Variants in XRCC4 observed in about 807,000 individuals in gnomAD.
The protein encoded by XRCC4 is X-ray repair cross complementing 4.
In XRCC4, 28 loss-of-function variants were observed where a neutral mutation model predicts 39.1. That is an observed-to-expected ratio of 0.72 (90% CI 0.53 to 0.98). The LOEUF is 0.98. Ranked by LOEUF, XRCC4 falls within the 50% of genes least tolerant of loss-of-function variation. The probability of loss-of-function intolerance (pLI) is 0.00; values close to 1 mark genes in which losing one functional copy is unlikely to be tolerated. For missense variants in XRCC4, 350 were observed against 376.4 expected (o/e 0.93, Z 0.58); for synonymous variants, 123 against 126.4 (o/e 0.97, Z 0.18).
At chr5:83,363,163 A>C in the XRCC4 span, among the ~76,000 whole-genome samples, 7 of 152,150 alleles carry the variant, frequency 4.6e-5, no homozygotes, top group African/African-American at 2.4e-5. Flanking sequence ...GGCCATGCCC[A>C]AGGAAAATTT....
rs144733569 is a variant in XRCC4, at chr5:83,227,591, G to C, written c.745+22670G>C. The stretch of plus-strand genomic sequence containing the variant: ...TCAAGATCGTTATCTAAAGGTAGTT[G>C]TTAGCTTGTTCTCCGGTTGGTATTA... On this transcript the variant is annotated intron_variant, in intron 6 of 7. Transcript: ENST00000396027. 2.4e-3 allele frequency among the ~76,000 whole-genome samples: 363 copies of C among 152,086 alleles called. 2 individuals carry two copies. Among genetic ancestry groups the C allele is most frequent in the African/African-American group, 5.0e-3 (206 of 41,522 alleles).
chr5:83,125,783 A>G (rs1747229757), intron 3 of XRCC4, among the ~76,000 whole-genome samples: 1 of 152,110 alleles, frequency 6.6e-6, no homozygotes, highest in Non-Finnish European at 1.5e-5. Context: ...AGGAGTTCAC[A>G]ACCAGTCTGA....
intron 6 of XRCC4, among the ~76,000 whole-genome samples, chr5:83,241,231 A>C (rs1017090980): frequency 6.6e-6 from 1 of 150,588 alleles, no homozygotes; most frequent in Admixed American, 6.6e-5. Context: ...CAACAAAGTA[A>C]GACTCTGTCA....
chr5:83,277,832 C>T (rs1262879635), intron 7 of XRCC4, among the ~76,000 whole-genome samples: 2 of 152,084 alleles, frequency 1.3e-5, no homozygotes, highest in Non-Finnish European at 2.9e-5. Context: ...AGTACAGAAA[C>T]TTTAGGATAA....
At chr5:83,313,624 C>G (rs1755782114) in intron 7 of XRCC4, among the ~76,000 whole-genome samples, 1 of 152,158 alleles carries the variant, frequency 6.6e-6, no homozygotes, top group African/African-American at 2.4e-5. Flanking sequence ...TCTGCTCCAG[C>G]CACGCCAATC....
intron 3 of XRCC4, among the ~76,000 whole-genome samples, chr5:83,125,615 G>A (rs948731737): frequency 4.2e-4 from 64 of 152,206 alleles, no homozygotes; most frequent in Non-Finnish European, 8.1e-4. Context: ...TATTTTCTAT[G>A]CTGCCTCATG....
intron 7 of XRCC4, among the ~76,000 whole-genome samples, chr5:83,325,006 A>T (rs1369212804): frequency 6.6e-6 from 1 of 152,088 alleles, no homozygotes; most frequent in Non-Finnish European, 1.5e-5. Context: ...GATTTTTTTA[A>T]AGTTCCTTCC....
chr5:83,363,534 C>T, the XRCC4 span, among the ~76,000 whole-genome samples: 280 of 152,182 alleles, frequency 1.8e-3, 1 homozygote, highest in Admixed American at 5.6e-3. Context: ...TGTAATCCGC[C>T]GATGCTATTC....
At chr5:83,080,380 G>A (rs765302283) in intron 1 of XRCC4, among the ~76,000 whole-genome samples, 28 of 152,086 alleles carry the variant, frequency 1.8e-4, no homozygotes, top group Non-Finnish European at 3.2e-4. Context: ...ACAAAAATTA[G>A]CCAGGCGTGG....
intron 6 of XRCC4, among the ~76,000 whole-genome samples, chr5:83,256,432 TTTTAA>T (rs1222813082): frequency 6.6e-6 from 1 of 152,206 alleles, no homozygotes; most frequent in Non-Finnish European, 1.5e-5. Context: ...TTGCCTTGTA[TTTTAA>T]TTTAAACTTA....
At chr5:83,116,790 T>G (rs530576565) in intron 3 of XRCC4, among the ~76,000 whole-genome samples, 2 of 151,964 alleles carry the variant, frequency 1.3e-5, no homozygotes, top group African/African-American at 4.8e-5. Context: ...CCCAGCTGAT[T>G]TTTGTATTTT....
intron 1 of XRCC4, among the ~76,000 whole-genome samples, chr5:83,090,345 G>GC (rs899468769): frequency 8.4e-5 from 4 of 47,496 alleles, no homozygotes; most frequent in South Asian, 8.6e-4. Flanking sequence ...TGGTGGGGTT[G>GC]GGGGGGGCTC....
chr5:83,191,338 T>C (rs1195738124), intron 3 of XRCC4, among the ~76,000 whole-genome samples: 5 of 152,168 alleles, frequency 3.3e-5, no homozygotes, highest in Admixed American at 6.5e-5. Context: ...GGGAGGTGAT[T>C]GAATTACAGG....
At chr5:83,186,659 A>G (rs1186181652) in intron 3 of XRCC4, among the ~76,000 whole-genome samples, 1 of 152,182 alleles carries the variant, frequency 6.6e-6, no homozygotes, top group Non-Finnish European at 1.5e-5. Context: ...GAGGAGGGCT[A>G]CTATTCAGCT....
chr5:83,170,482 G>GT (rs1315406257), intron 3 of XRCC4, among the ~76,000 whole-genome samples: 1 of 152,160 alleles, frequency 6.6e-6, no homozygotes, highest in Admixed American at 6.5e-5. Context: ...TGAAATCAAA[G>GT]TATCAGTTGG....
intron 3 of XRCC4, among the ~76,000 whole-genome samples, chr5:83,147,703 G>A (rs1748522992): frequency 6.6e-6 from 1 of 151,528 alleles, no homozygotes; most frequent in Non-Finnish European, 1.5e-5. Flanking sequence ...ATTTTAAAGT[G>A]TTGTCACCAC....
intron 7 of XRCC4, among the ~76,000 whole-genome samples, chr5:83,291,484 G>A (rs1754918462): frequency 6.6e-6 from 1 of 151,762 alleles, no homozygotes; most frequent in Admixed American, 6.6e-5. Context: ...GAAAAAAATA[G>A]TAGCAATGCT....
At chr5:83,365,561 C>T in the XRCC4 span, among the ~76,000 whole-genome samples, 3 of 152,102 alleles carry the variant, frequency 2.0e-5, no homozygotes, top group Non-Finnish European at 4.4e-5. Flanking sequence ...GTTATACAGC[C>T]CTTCGTGAAA....
At chr5:83,372,778 T>C in the XRCC4 span, among the ~76,000 whole-genome samples, 1 of 152,220 alleles carries the variant, frequency 6.6e-6, no homozygotes, top group African/African-American at 2.4e-5. Context: ...CTATTGCTAT[T>C]GTTACTTGCT....
Sources: gnomAD v4.1 joint callset for allele counts (sites outside exome capture counted in the v4.1 genomes callset) on GRCh38, gnomAD v4.1.1 for gene constraint, MANE v1.5 for transcripts, NCBI Gene and HGNC (gene_info 2026-07-23, HGNC 2026-07-21) for gene names.